Variants in GTF2IRD1 observed in about 807,000 individuals in gnomAD.
GTF2IRD1 encodes GTF2I repeat domain containing 1, also known as general transcription factor II-I repeat domain-containing protein 1.
Under a neutral mutation model 113.2 loss-of-function variants are expected in GTF2IRD1, and 26 were observed. That is an observed-to-expected ratio of 0.23 (90% CI 0.17 to 0.32). The LOEUF is 0.32. GTF2IRD1 is among the 10% of genes least tolerant of loss of function. GTF2IRD1 has a pLI of 1.00. For missense variants in GTF2IRD1, 864 were observed against 1,280.8 expected (o/e 0.67, Z 4.97); for synonymous variants, 484 against 529.1 (o/e 0.91, Z 1.17).
At chr7:74,533,477 G>A (rs781911575) in intron 9 of GTF2IRD1, among the ~76,000 whole-genome samples, 1 of 152,120 alleles carries the variant, frequency 6.6e-6, no homozygotes, top group African/African-American at 2.4e-5. Flanking sequence ...CCCTAAATGG[G>A]CCCCTGGGTG....
chr7:74,572,417 T>C (rs1800748418), intron 22 of GTF2IRD1: 1 of 170,408 alleles, frequency 5.9e-6, no homozygotes, highest in Non-Finnish European at 1.2e-5. Context: ...TTACCATCTC[T>C]GATCTAGATA....
chr7:74,548,069 A>G (rs1450248280), intron 17 of GTF2IRD1, among the ~76,000 whole-genome samples: 1 of 152,008 alleles, frequency 6.6e-6, no homozygotes, highest in Admixed American at 6.6e-5. Context: ...GTTTTTGCCA[A>G]TGAGGGCCCG....
chr7:74,479,467 G>C (rs140160075), intron 1 of GTF2IRD1, among the ~76,000 whole-genome samples: 83 of 152,200 alleles, frequency 5.5e-4, no homozygotes, highest in African/African-American at 2.0e-3. Context: ...CTTCAAACAG[G>C]TCTTTATTTA....
At chr7:74,505,234 TCTCGGGCTTTCAGGA>T (rs1554340692) in intron 1 of GTF2IRD1, among the ~76,000 whole-genome samples, 1 of 152,096 alleles carries the variant, frequency 6.6e-6, no homozygotes, top group African/African-American at 2.4e-5. Flanking sequence ...AAATGAAAAA[TCTCGGGCTTTCAGGA>T]CTCACCCGAG....
rs587679495 is a variant in GTF2IRD1 at position 74,561,441 on chromosome 7, G to A, written c.2320+1786G>A. Among the ~76,000 whole-genome samples the A allele has an allele frequency of 3.3e-5, 5 of 152,192 alleles. No individual in the cohort carries two copies. The South Asian group carries it at 1.0e-3, about 32-fold the overall frequency. ...CAGAAGGGGGATCAGGAGGGTGAGGGGTAGTTGGAGAGGGTTTCCTGGAGT... is the reference window on the plus strand; with the variant it reads ...CAGAAGGGGGATCAGGAGGGTGAGGAGTAGTTGGAGAGGGTTTCCTGGAGT... On this transcript the variant is annotated intron_variant, in intron 22 of 26. Coordinates refer to ENST00000424337, the MANE Select transcript of GTF2IRD1 (RefSeq NM_005685.4).
intron 11 of GTF2IRD1, among the ~76,000 whole-genome samples, 199 bp from the exon 12 acceptor site, chr7:74,537,921 CCCCTGGAGATTGTGGT>C (rs1299844630): frequency 6.6e-6 from 1 of 152,248 alleles, no homozygotes; most frequent in Non-Finnish European, 1.5e-5. Context: ...GGCTCGGCCA[CCCCTGGAGATTGTGGT>C]CCCTGGAGAC....
intron 1 of GTF2IRD1, among the ~76,000 whole-genome samples, chr7:74,495,758 A>G (rs1318028051): frequency 6.6e-6 from 1 of 152,206 alleles, no homozygotes; most frequent in Non-Finnish European, 1.5e-5. Context: ...AAAAGGGCAC[A>G]GCAGGTGCAA....
chr7:74,500,825 G>A (rs1554339278), intron 1 of GTF2IRD1, among the ~76,000 whole-genome samples: 1 of 152,096 alleles, frequency 6.6e-6, no homozygotes, highest in African/African-American at 2.4e-5. Context: ...CTGGGCTCAA[G>A]TGATCCTCCT....
At chr7:74,506,606 G>C (rs973530615) in intron 1 of GTF2IRD1, 1 of 152,204 alleles carries the variant, frequency 6.6e-6, no homozygotes, top group East Asian at 1.9e-4. Flanking sequence ...GAGGGGAACC[G>C]AGAGGCCCCT....
chr7:74,471,636 A>T (rs375918469), intron 1 of GTF2IRD1, among the ~76,000 whole-genome samples: 1 of 149,106 alleles, frequency 6.7e-6, no homozygotes, highest in African/African-American at 2.5e-5. Flanking sequence ...ACTGGGTAAC[A>T]TAGCAAGACC....
intron 7 of GTF2IRD1, among the ~76,000 whole-genome samples, chr7:74,522,596 C>G (rs587716534): frequency 9.2e-5 from 14 of 152,232 alleles, no homozygotes; most frequent in African/African-American, 2.2e-4. Context: ...GACCCTCCCC[C>G]CCAACAACAA....
intron 1 of GTF2IRD1, among the ~76,000 whole-genome samples, chr7:74,455,757 G>C (rs1554327081): frequency 6.6e-6 from 1 of 152,120 alleles, no homozygotes; most frequent in Non-Finnish European, 1.5e-5. Context: ...GGTGTGGGAG[G>C]CTCAAGTCCA....
chr7:74,504,208 T>C (rs1796180039), intron 1 of GTF2IRD1, among the ~76,000 whole-genome samples: 1 of 152,064 alleles, frequency 6.6e-6, no homozygotes, highest in Non-Finnish European at 1.5e-5. Context: ...TGAATACTGC[T>C]GCTCTGAACA....
At chr7:74,597,044 C>T (rs1165486741) in intron 25 of GTF2IRD1, among the ~76,000 whole-genome samples, 2 of 151,794 alleles carry the variant, frequency 1.3e-5, no homozygotes, top group Admixed American at 1.3e-4. Context: ...GAGACCCCAT[C>T]TCTTTTTTTT....
At chr7:74,534,474 C>T (rs373230485) in intron 9 of GTF2IRD1, among the ~76,000 whole-genome samples, 24 of 152,216 alleles carry the variant, frequency 1.6e-4, no homozygotes, top group Admixed American at 3.3e-4. Context: ...TGGTTGCACA[C>T]GCCTGTAATC....
At chr7:74,463,773 G>A (rs1793538443) in intron 1 of GTF2IRD1, among the ~76,000 whole-genome samples, 1 of 151,874 alleles carries the variant, frequency 6.6e-6, no homozygotes, top group South Asian at 2.1e-4. Flanking sequence ...GCCCAGGCTG[G>A]AGTGCAGTGG....
At chr7:74,550,677 A>G (rs1799255730) in intron 17 of GTF2IRD1, among the ~76,000 whole-genome samples, 1 of 151,456 alleles carries the variant, frequency 6.6e-6, no homozygotes, top group Non-Finnish European at 1.5e-5. Flanking sequence ...GGAGGCCCAG[A>G]TAGGAGGATC....
At chr7:74,529,054 A>G (rs1797806015) in intron 8 of GTF2IRD1, among the ~76,000 whole-genome samples, 1 of 152,094 alleles carries the variant, frequency 6.6e-6, no homozygotes, top group Admixed American at 6.6e-5. Flanking sequence ...TCTAGGAGAA[A>G]GGGATCTGAG....
chr7:74,539,836 G>T, intron 13 of GTF2IRD1, 43 bp from the exon 14 acceptor site: 1 of 1,392,656 alleles, frequency 7.2e-7, no homozygotes, highest in South Asian at 1.2e-5. Context: ...ACAGGAGTAT[G>T]ACAGGCAGAA....
Sources: allele counts gnomAD v4.1 joint callset (sites outside exome capture counted in the v4.1 genomes callset), GRCh38; gene constraint gnomAD v4.1.1; transcripts MANE v1.5; gene names NCBI Gene and HGNC (gene_info 2026-07-23, HGNC 2026-07-21).